TTN: variants seen among roughly 807,000 people sequenced by gnomAD.
TTN encodes the protein titin.
Under a neutral mutation model 3,223.0 loss-of-function variants are expected in TTN, and 1,525 were observed. That is an observed-to-expected ratio of 0.47 (90% CI 0.45 to 0.49). The LOEUF (loss-of-function observed/expected upper bound fraction) is 0.49, where lower values mean the gene tolerates loss of function less well. TTN is among the 20% of genes least tolerant of loss of function. The pLI is 0.00. For synonymous variants in TTN, 14,094 were observed against 15,161.0 expected (o/e 0.93, Z 5.17); for missense variants, 40,786 against 43,424.0 (o/e 0.94, Z 5.40).
chr2:178,755,518 C>A (rs945148778), intron 46 of TTN, among the ~76,000 whole-genome samples: 1 of 152,192 alleles, frequency 6.6e-6, no homozygotes, highest in African/African-American at 2.4e-5. Context: ...TCACTGCAAC[C>A]TCTGCCTCCT....
Position 178,636,190 on chromosome 2 carries a change from T to C in TTN, c.41381A>G (p.Lys13794Arg), listed in dbSNP as rs944123089. 6 of 1,608,840 alleles carry C rather than the reference T, an allele frequency of 3.7e-6. No homozygotes were observed. The highest frequency in any genetic ancestry group is 5.1e-6 in the Non-Finnish European group (6 of 1,176,994). ...GCAGCTCAAGTACAATGGCTGTCCT[T>C]TGACCACTGTGACTTCCTCTTCCAG... ...KTLEEEVTVV[K>R]GQPLYLSCEL... is the part of the protein sequence containing the mutation. Residue 13794 changes from lysine (K) to arginine (R), a missense_variant, in exon 226 of 363, where the codon AAA becomes AGA. Transcript: ENST00000589042. This position sits in a 1 kb window ranked among gnomAD's most constrained non-coding sequence, Gnocchi z 4.3.
Position 178,741,413 on chromosome 2 carries a change from G to A in TTN, c.11820C>T (p.Phe3940=). The part of the protein sequence containing the change: ...EKLGGPCPPH[F]LKELKPIRCA... ...AGCGAATTGGTTTTAACTCCTTAAG[G>A]AAGTGAGGAGGACAAGGACCTCCCA... is the stretch of plus-strand genomic sequence containing the variant. Residue 3940 remains phenylalanine (F), a synonymous_variant, in exon 48 of 363, where the codon TTC becomes TTT. Transcript: ENST00000589042. The A allele has an allele frequency of 6.2e-7, 1 of 1,613,854 alleles. No homozygotes were observed.
rs989789573 is a variant in TTN, at chr2:178,672,094, ATTC to A, written c.35101_35103del (p.Glu11701del). On this transcript the variant is annotated inframe_deletion, in exon 155 of 363. Transcript: ENST00000589042. ...ACTCTATGTTGTTCTAATTTGATGA[ATTC>A]TTCTACTTCATGAAACTCGCCTTCT... 4.3e-6 allele frequency: 7 copies of A among 1,611,994 alleles called. No homozygotes were observed. In the Admixed American group the frequency reaches 5.0e-5, roughly 12 times the overall value.
intron 34 of TTN, among the ~76,000 whole-genome samples, chr2:178,770,963 T>G (rs1161111529): frequency 2.6e-5 from 4 of 152,208 alleles, no homozygotes; most frequent in African/African-American, 9.6e-5. Flanking sequence ...GAAAGACGAA[T>G]GGAGAATCAG....
At position 178,574,737 on chromosome 2, in the gene TTN, A is replaced by G. The variant is rs1709458416; in HGVS notation, c.71395T>C (p.Phe23799Leu). 1 of 1,613,086 alleles carries G rather than the reference A, an allele frequency of 6.2e-7. No homozygotes were observed. The highest frequency in any genetic ancestry group is 2.2e-5 in the East Asian group (1 of 44,764). Reference protein sequence around the residue: ...TRLTTGLEYQFRVKAQNRYGV... With the variant: ...TRLTTGLEYQLRVKAQNRYGV... ...TATCTATTCTGAGCTTTTACACGGA[A>G]CTGATACTCTAATCCAGTAGTAAGG... Residue 23799 changes from phenylalanine (F) to leucine (L), a missense_variant, in exon 326 of 363, where the codon TTC becomes CTC. Physicochemically the swap from Phe to Leu is conservative, Grantham distance 22 (BLOSUM62 0). Transcript: ENST00000589042.
rs566794300 is a variant in TTN, at chr2:178,651,888, T to G, written c.39375A>C (p.Pro13125=). 1 of 1,606,812 alleles carries G rather than the reference T, an allele frequency of 6.2e-7. No individual in the cohort carries two copies. The highest frequency in any genetic ancestry group is 1.1e-5 in the South Asian group (1 of 89,758). ...AGCAGCTTTCTTGCCATGTACCTTG[T>G]GGAGGCGCCGCTGGCTCTGGCTCTT... ...VVEEPEPAAP[P]QVTVPPKKPV... Residue 13125 remains proline (P), a synonymous_variant, in exon 205 of 363, where the codon CCA becomes CCC. Coordinates refer to ENST00000589042, the MANE Select transcript of TTN (RefSeq NM_001267550.2).
chr2:178,601,389 G>C lies in TTN; in HGVS notation c.55608C>G (p.Thr18536=). The C allele has an allele frequency of 6.2e-7, 1 of 1,612,718 alleles. No individual in the cohort carries two copies. The highest frequency in any genetic ancestry group is 8.5e-7 in the Non-Finnish European group (1 of 1,179,292). Residue 18536 remains threonine, a synonymous_variant, in exon 287 of 363, where the codon ACC becomes ACG. Transcript: ENST00000589042. ...AGAGGAGATCAGGCACTACAAATGT[G>C]GTGCTTCCACAGTCTGGATTGACTT... ...WTKVNPDCGS[T]TFVVPDLLSE...
chr2:178,707,476 C>T, intron 100 of TTN, 50 bp downstream of exon 100: 2 of 1,528,710 alleles, frequency 1.3e-6, no homozygotes, highest in Non-Finnish European at 8.8e-7. Context: ...AGCAAATAAA[C>T]ATGAGTGGTT....
rs568636033 is a variant in TTN at position 178,555,198 on chromosome 2, G to GA, written c.88307-47dup. Reference sequence around the variant, plus strand: ...AAATATTTAAAATATTATAAGGATGGAAAAAAAAATAGTTGCACCAACCTT... The same window carrying GA: ...AAATATTTAAAATATTATAAGGATGGAAAAAAAAAATAGTTGCACCAACCTT... On this transcript the variant is annotated intron_variant, in intron 330 of 362. Transcript: ENST00000589042. 1,669 of 1,520,220 alleles carry GA rather than the reference G, an allele frequency of 1.1e-3. 8 individuals carry two copies. The highest frequency in any genetic ancestry group is 9.1e-3 in the South Asian group (726 of 79,990). 94.2% of individuals were successfully genotyped at this position (1,520,220 alleles called of 1,614,324 possible). A position where few individuals can be genotyped will look rare whatever the true frequency, so the allele number is the denominator to read the frequency against.
rs184027783 is a variant in TTN, at chr2:178,751,344, A to G, written c.11311+1780T>C. ...AGGAAACTTTCACCTACATTAAGCC[A>G]ACCTCTTATGTCAGATTTACTTTCT... On this transcript the variant is annotated intron_variant, in intron 47 of 362. Transcript: ENST00000589042. 1 of 1,609,358 alleles carries G rather than the reference A, an allele frequency of 6.2e-7. No individual in the cohort carries two copies. Among genetic ancestry groups the G allele is most frequent in the East Asian group, 2.2e-5 (1 of 44,794 alleles).
chr2:178,747,790 A>G (rs1411289564), intron 47 of TTN: 3 of 1,612,266 alleles, frequency 1.9e-6, no homozygotes, highest in East Asian at 2.2e-5. Context: ...AAGTGGAGAA[A>G]GAAGCTTCAT....
At position 178,537,572 on chromosome 2, in the gene TTN, G is replaced by C; in HGVS notation, c.99635C>G (p.Ser33212Cys). 6.2e-7 allele frequency: 1 copy of C among 1,613,788 alleles called. No individual in the cohort carries two copies. The highest frequency in any genetic ancestry group is 8.5e-7 in the Non-Finnish European group (1 of 1,179,782). The change falls in exon 355 of 363, where the codon TCC (serine) becomes TGC (cysteine). Residue 33212 changes from serine (S) to cysteine (C), a missense_variant. Ser to Cys is a moderately radical substitution (Grantham distance 112, BLOSUM62 -1). Coordinates refer to ENST00000589042, the MANE Select transcript of TTN (RefSeq NM_001267550.2). ...GTACATAACATGAAGCCGAAGTGTG[G>C]AACCCACAGCTCCATAATATTTCTC... is the stretch of plus-strand genomic sequence containing the variant. ...LKEKYYGAVG[S>C]TLRLHVMYIG...
chr2:178,771,322 A>T lies in TTN; in HGVS notation c.8005T>A (p.Ser2669Thr). 1 of 1,613,956 alleles carries T rather than the reference A, an allele frequency of 6.2e-7. No homozygotes were observed. ...LPLTNNIRSESDGHKRRLIIA... is the reference protein window; with the variant it reads ...LPLTNNIRSETDGHKRRLIIA... The stretch of plus-strand genomic sequence containing the variant: ...ATAAGTCTCCTTTTGTGGCCATCAG[A>T]CTCACTTCTGATGTTGTTAGTCAGT... The change falls in exon 34 of 363, where the codon TCT (serine) becomes ACT (threonine). Residue 2669 changes from serine (S) to threonine (T), a missense_variant. By Grantham distance (58) the Ser-to-Thr change is moderately conservative. Coordinates refer to ENST00000589042, the MANE Select transcript of TTN (RefSeq NM_001267550.2).
chr2:178,801,872 T>C (rs2094082824), intron 3 of TTN, among the ~76,000 whole-genome samples: 1 of 152,232 alleles, frequency 6.6e-6, no homozygotes, highest in African/African-American at 2.4e-5. Context: ...AGAAACATGA[T>C]TTTTAATATT....
At chr2:178,778,081 C>A (rs2092420043) in intron 24 of TTN, 106 bp from the exon 25 acceptor site, 1 of 1,445,884 alleles carries the variant, frequency 6.9e-7, no homozygotes, top group South Asian at 1.2e-5. Context: ...GAATTTACTT[C>A]TTGCACGTAT....
Position 178,591,649 on chromosome 2 carries a change from C to T in TTN, c.60170G>A (p.Gly20057Asp). The T allele has an allele frequency of 6.2e-7, 1 of 1,613,450 alleles. No individual in the cohort carries two copies. The highest frequency in any genetic ancestry group is 1.7e-5 in the Admixed American group (1 of 59,996). Residue 20057 changes from glycine to aspartate, a missense_variant, in exon 303 of 363, where the codon GGT becomes GAT. Gly to Asp is a moderately conservative substitution (Grantham distance 94, BLOSUM62 -1). Transcript: ENST00000589042. ...RFRVKAENIV[G>D]LGLPDTTIPI... ...GATAGTTGTGTCAGGGAGACCAAGA[C>T]CCACAATGTTTTCAGCTTTTACACG... is the stretch of plus-strand genomic sequence containing the variant.
intron 198 of TTN, 21 bp downstream of exon 198, chr2:178,653,217 C>A (rs922624507): frequency 9.9e-6 from 16 of 1,610,676 alleles, no homozygotes; most frequent in Non-Finnish European, 1.4e-5. Flanking sequence ...TCATCTGAAG[C>A]CTAAGGTCAG....
At position 178,769,863 on chromosome 2, in the gene TTN, G is replaced by A. The variant is rs868291312; in HGVS notation, c.8718C>T (p.Ser2906=). 6.2e-7 allele frequency: 1 copy of A among 1,613,900 alleles called. No homozygotes were observed. Among genetic ancestry groups the A allele is most frequent in the East Asian group, 2.2e-5 (1 of 44,856 alleles). ...GCCACATGGAAGGGACATTGAAGTG[G>A]GACACCTCACACTCAAAAGAGGCAG... The part of the protein sequence containing the change: ...TKTASFECEV[S]HFNVPSMWLK... Residue 2906 remains serine, a synonymous_variant, in exon 37 of 363, where the codon TCC becomes TCT. Transcript: ENST00000589042.
chr2:178,733,679 T>G lies in TTN; in HGVS notation c.15710A>C (p.Lys5237Thr). The change falls in exon 53 of 363, where the codon AAA (lysine) becomes ACA (threonine). Residue 5237 changes from lysine (K) to threonine (T), a missense_variant. By Grantham distance (78) the Lys-to-Thr change is moderately conservative. Transcript: ENST00000589042. ...TTCATTTTCAGCCAGGCACGTGTATTTGCCTCCAAAACTAATCTGAACATC... is the reference window on the plus strand; with the variant it reads ...TTCATTTTCAGCCAGGCACGTGTATGTGCCTCCAAAACTAATCTGAACATC... ...IPDVQISFGG[K>T]YTCLAENEAG... 1 of 1,613,846 alleles carries G rather than the reference T, an allele frequency of 6.2e-7. No homozygotes were observed. The highest frequency in any genetic ancestry group is 1.3e-5 in the African/African-American group (1 of 75,044).
Sources: gnomAD v4.1 joint callset for allele counts (sites outside exome capture counted in the v4.1 genomes callset) on GRCh38, gnomAD v4.1.1 for gene constraint, Gnocchi (gnomAD v3.1) non-coding constraint, MANE v1.5 for transcripts, NCBI Gene and HGNC (gene_info 2026-07-23, HGNC 2026-07-21) for gene names.